Variants in TMTC3 observed in about 807,000 individuals in gnomAD.
TMTC3 encodes the protein transmembrane O-mannosyltransferase targeting cadherins 3.
Under a neutral mutation model 92.2 loss-of-function variants are expected in TMTC3, and 52 were observed. The observed-to-expected ratio is 0.56, with a 90% CI of 0.45 to 0.71. The LOEUF is 0.71. TMTC3 is among the 30% of genes least tolerant of loss of function. The pLI, the probability that TMTC3 is intolerant of heterozygous loss-of-function variation, is 0.00. For missense variants in TMTC3, 896 were observed against 1,057.1 expected (o/e 0.85, Z 2.11); for synonymous variants, 339 against 363.3 (o/e 0.93, Z 0.76).
intron 10 of TMTC3, among the ~76,000 whole-genome samples, chr12:88,186,653 A>C (rs928308928): frequency 6.6e-6 from 1 of 152,090 alleles, no homozygotes; most frequent in African/African-American, 2.4e-5. Flanking sequence ...GATTTTTTAC[A>C]TCTTGCCTTC....
At chr12:88,167,105 T>C (rs1335556274) in intron 7 of TMTC3, among the ~76,000 whole-genome samples, 1 of 151,920 alleles carries the variant, frequency 6.6e-6, no homozygotes, top group Non-Finnish European at 1.5e-5. Context: ...TTTTAATTAT[T>C]GAAGACAGGC....
At chr12:88,187,003 CAAT>C (rs1259907902) in intron 10 of TMTC3, among the ~76,000 whole-genome samples, 1 of 151,890 alleles carries the variant, frequency 6.6e-6, no homozygotes, top group Non-Finnish European at 1.5e-5. Context: ...GGGATAATTT[CAAT>C]AACATTTTAA....
At chr12:88,183,539 T>C (rs2041342092) in intron 10 of TMTC3, among the ~76,000 whole-genome samples, 1 of 152,044 alleles carries the variant, frequency 6.6e-6, no homozygotes, top group African/African-American at 2.4e-5. Context: ...TTTTTGCCCT[T>C]TACTGGTGGG....
chr12:88,144,353 T>C (rs1254319481), intron 1 of TMTC3, among the ~76,000 whole-genome samples: 1 of 152,224 alleles, frequency 6.6e-6, no homozygotes, highest in Admixed American at 6.5e-5. Context: ...CTATGCTGAC[T>C]ACTGCGTGTT....
chr12:88,174,043 T>A (rs530953722), intron 8 of TMTC3, among the ~76,000 whole-genome samples: 9 of 152,120 alleles, frequency 5.9e-5, no homozygotes, highest in Non-Finnish European at 1.3e-4. Flanking sequence ...TCATAAAGAT[T>A]ATAGGTGAAG....
At chr12:88,191,241 A>G (rs1404993781) in intron 12 of TMTC3, among the ~76,000 whole-genome samples, 1 of 152,152 alleles carries the variant, frequency 6.6e-6, no homozygotes, top group East Asian at 1.9e-4. Context: ...AGTTTTTGAG[A>G]TAAAATCTGT....
At chr12:88,184,149 A>T (rs1265975597) in intron 10 of TMTC3, among the ~76,000 whole-genome samples, 1 of 152,116 alleles carries the variant, frequency 6.6e-6, no homozygotes, top group Non-Finnish European at 1.5e-5. Context: ...ACCACCAACA[A>T]GAGAGTGCAG....
Position 88,160,125 on chromosome 12 carries a change from A to G in TMTC3, c.520A>G (p.Ile174Val), listed in dbSNP as rs748938466. Residue 174 changes from isoleucine (I) to valine (V), a missense_variant, in exon 5 of 14, where the codon ATT becomes GTT. Transcript: ENST00000266712. Reference protein sequence around the residue: ...GPDNSIIWTPIALTVFLVAVA... With the variant: ...GPDNSIIWTPVALTVFLVAVA... Reference sequence around the variant, plus strand: ...TTCTCAAATTGCAGTATGGACTCCAATTGCCTTGACAGTGTTTTTAGTGGC... The same window carrying G: ...TTCTCAAATTGCAGTATGGACTCCAGTTGCCTTGACAGTGTTTTTAGTGGC... 7 of 1,578,248 alleles carry G rather than the reference A, an allele frequency of 4.4e-6. No homozygotes were observed. Among genetic ancestry groups the G allele is most frequent in the South Asian group, 1.2e-5 (1 of 82,800 alleles).
At position 88,160,079 on chromosome 12, in the gene TMTC3, T is replaced by C. The variant is rs758161685; in HGVS notation, c.509-35T>C. 3 of 1,393,160 alleles carry C rather than the reference T, an allele frequency of 2.2e-6. No individual in the cohort carries two copies. In the African/African-American group the frequency reaches 4.4e-5, roughly 20 times the overall value. 86.3% of individuals were successfully genotyped at this position (1,393,160 alleles called of 1,614,324 possible). ...TTTTTTTGATATTATAAAATTGTTT[T>C]CTGAATTTTTATATTTTCTGTTCTC... On this transcript the variant is annotated intron_variant, in intron 4 of 13. Transcript: ENST00000266712.
intron 2 of TMTC3, among the ~76,000 whole-genome samples, chr12:88,149,287 A>T (rs915789195): frequency 6.6e-6 from 1 of 152,106 alleles, no homozygotes; most frequent in Non-Finnish European, 1.5e-5. Context: ...AACTGTTGGG[A>T]TTAAACCCTT....
At chr12:88,164,992 C>T (rs978490546) in intron 6 of TMTC3, among the ~76,000 whole-genome samples, 11 of 151,936 alleles carry the variant, frequency 7.2e-5, no homozygotes, top group African/African-American at 1.4e-4. Context: ...TATAAGACTT[C>T]GGATTTCCTT....
intron 12 of TMTC3, 128 bp from the exon 13 acceptor site, chr12:88,192,476 G>C: frequency 1.6e-6 from 1 of 615,818 alleles, no homozygotes; most frequent in Non-Finnish European, 2.9e-6. Context: ...TCGAAAGAGA[G>C]TTTTTTAAGA....
intron 7 of TMTC3, among the ~76,000 whole-genome samples, chr12:88,167,561 T>C (rs1565949666): frequency 6.6e-6 from 1 of 152,220 alleles, no homozygotes; most frequent in African/African-American, 2.4e-5. Flanking sequence ...ACTTAGACTT[T>C]ACCCTTTGTA....
rs562759999 is a variant in TMTC3, at chr12:88,152,982, C to T, written c.190-309C>T. On this transcript the variant is annotated intron_variant, in intron 2 of 13. Coordinates refer to ENST00000266712, the MANE Select transcript of TMTC3 (RefSeq NM_181783.4). Reference sequence around the variant, plus strand: ...TCCTGTGCTCTAACTTGACCAATGCCGGCATTGTCTTTTTTTAAAATTGTT... The same window carrying T: ...TCCTGTGCTCTAACTTGACCAATGCTGGCATTGTCTTTTTTTAAAATTGTT... Among the ~76,000 whole-genome samples, 11 of 152,122 alleles carry T rather than the reference C, an allele frequency of 7.2e-5. 1 individual carries two copies. The East Asian group carries it at 1.5e-3, about 21-fold the overall frequency.
chr12:88,156,931 G>T (rs371446821), intron 4 of TMTC3, among the ~76,000 whole-genome samples: 59 of 151,302 alleles, frequency 3.9e-4, no homozygotes, highest in Admixed American at 1.3e-4. Flanking sequence ...CCATTTGAGC[G>T]AAACAAAAAC....
rs1053423153 is a variant in TMTC3, at chr12:88,198,454, G to C, written c.*2805G>C. 6 of 397,892 alleles carry C rather than the reference G, an allele frequency of 1.5e-5. No individual in the cohort carries two copies. The highest frequency in any genetic ancestry group is 2.2e-5 in the Non-Finnish European group (5 of 225,602). The allele number at this position is 397,892 out of a possible 1,614,324, so 24.6% of individuals were successfully genotyped here. A position where few individuals can be genotyped will look rare whatever the true frequency, so the allele number is the denominator to read the frequency against. On this transcript the variant is annotated 3_prime_UTR_variant, in exon 14 of 14. Coordinates refer to ENST00000266712, the MANE Select transcript of TMTC3 (RefSeq NM_181783.4). ...GGCAGTGTTACCTTACTCCTTCACT[G>C]CTTCTTAGAAGGTAGAATTAAGTTT...
At chr12:88,169,788 A>T (rs909850823) in intron 7 of TMTC3, among the ~76,000 whole-genome samples, 1 of 152,014 alleles carries the variant, frequency 6.6e-6, no homozygotes, top group Non-Finnish European at 1.5e-5. Flanking sequence ...AAAATTTTTA[A>T]ATTAGCCAGG....
chr12:88,154,465 T>G (rs2040982132), intron 4 of TMTC3, 78 bp downstream of exon 4: 1 of 849,216 alleles, frequency 1.2e-6, no homozygotes, highest in African/African-American at 1.7e-5. Flanking sequence ...CAAGTGCTTC[T>G]TATAACACAT....
intron 10 of TMTC3, among the ~76,000 whole-genome samples, chr12:88,180,999 T>C (rs925647962): frequency 3.9e-5 from 6 of 152,200 alleles, no homozygotes; most frequent in African/African-American, 1.4e-4. Flanking sequence ...TTTTAGTTTC[T>C]TGAGCATATT....
Sources: gnomAD v4.1 joint callset for allele counts (sites outside exome capture counted in the v4.1 genomes callset) on GRCh38, gnomAD v4.1.1 for gene constraint, MANE v1.5 for transcripts, NCBI Gene and HGNC (gene_info 2026-07-23, HGNC 2026-07-21) for gene names.